The following ACACA variants were observed in gnomAD, a reference collection of about 807,000 sequenced individuals.
The protein encoded by ACACA is acetyl-CoA carboxylase alpha.
ACACA carries 103 observed loss-of-function variants against 296.1 expected under a neutral mutation model. The observed-to-expected ratio is 0.35, with a 90% CI of 0.30 to 0.41. The LOEUF is 0.41. ACACA is among the 10% of genes least tolerant of loss of function. The probability of loss-of-function intolerance (pLI) is 1.00; values close to 1 mark genes in which losing one functional copy is unlikely to be tolerated. For missense variants in ACACA, 1,554 were observed against 2,989.7 expected, an observed-to-expected ratio of 0.52 and a Z score of 11.20; for synonymous variants, 953 against 1,038.6, an observed-to-expected ratio of 0.92 and a Z score of 1.58.
At chr17:37,107,069 G>C (rs1016264834) in intron 52 of ACACA, among the ~76,000 whole-genome samples, 1 of 152,190 alleles carries the variant, frequency 6.6e-6, no homozygotes, top group Non-Finnish European at 1.5e-5. Flanking sequence ...CTACCTTCGT[G>C]ATAGAAAGCC....
At chr17:37,249,402 C>T (rs1454881261) in intron 16 of ACACA, among the ~76,000 whole-genome samples, 1 of 152,130 alleles carries the variant, frequency 6.6e-6, no homozygotes, top group East Asian at 1.9e-4. Context: ...TAGGGTAATT[C>T]TATTTTTAAT....
intron 2 of ACACA, among the ~76,000 whole-genome samples, chr17:37,337,748 C>A (rs542453303): frequency 1.3e-5 from 2 of 151,786 alleles, no homozygotes; most frequent in African/African-American, 4.8e-5. Flanking sequence ...CCACTGAGCC[C>A]AGCCTAACAT....
intron 29 of ACACA, among the ~76,000 whole-genome samples, chr17:37,212,051 C>T (rs919416443): frequency 1.4e-4 from 22 of 152,210 alleles, no homozygotes; most frequent in South Asian, 6.2e-4. Flanking sequence ...TTTCCTTTTA[C>T]GATATAAAGG....
At chr17:37,202,720 CACAT>C (rs1416102138) in intron 33 of ACACA, among the ~76,000 whole-genome samples, 4 of 71,156 alleles carry the variant, frequency 5.6e-5, no homozygotes, top group Non-Finnish European at 1.2e-4. Flanking sequence ...TATACACACA[CACAT>C]ATATTTTAAC....
At chr17:37,352,306 C>G (rs2048943569) in intron 1 of ACACA, among the ~76,000 whole-genome samples, 1 of 152,072 alleles carries the variant, frequency 6.6e-6, no homozygotes, top group Non-Finnish European at 1.5e-5. Flanking sequence ...ACATTATCCT[C>G]TAGAAACATT....
At chr17:37,381,266 A>G (rs2050245008) in intron 1 of ACACA, among the ~76,000 whole-genome samples, 1 of 151,588 alleles carries the variant, frequency 6.6e-6, no homozygotes, top group Non-Finnish European at 1.5e-5. Context: ...TCTCACTGCA[A>G]CCTCCTCCTC....
chr17:37,400,738 G>C (rs11871085), intron 1 of ACACA, among the ~76,000 whole-genome samples: 6,935 of 143,860 alleles, frequency 0.048, 504 homozygotes, highest in African/African-American at 0.16. Flanking sequence ...TTGTGTGTGT[G>C]TCTGTGTGTG....
At chr17:37,233,156 A>AC (rs1030255574) in intron 25 of ACACA, among the ~76,000 whole-genome samples, 157 of 151,928 alleles carry the variant, frequency 1.0e-3, no homozygotes, top group African/African-American at 3.3e-3. Flanking sequence ...CCTCTGCAGC[A>AC]CCCCCCGCGT....
chr17:37,406,213 G>A, intron 1 of ACACA, 49 bp downstream of exon 1: 1 of 1,595,600 alleles, frequency 6.3e-7, no homozygotes, highest in South Asian at 1.1e-5. Context: ...ACAAATGGTA[G>A]CTATTAGAAT....
At chr17:37,191,616 C>T (rs764880658) in intron 37 of ACACA, among the ~76,000 whole-genome samples, 5 of 152,138 alleles carry the variant, frequency 3.3e-5, no homozygotes, top group South Asian at 2.1e-4. Flanking sequence ...AGAAAGGGTA[C>T]GGCTATGGGA....
intron 1 of ACACA, among the ~76,000 whole-genome samples, chr17:37,347,627 G>C (rs763363203): frequency 1.1e-4 from 16 of 151,940 alleles, no homozygotes; most frequent in Non-Finnish European, 1.9e-4. Context: ...TTTAGGCCAG[G>C]TGCGGCGGCT....
intron 52 of ACACA, among the ~76,000 whole-genome samples, chr17:37,109,433 G>A (rs959453786): frequency 1.3e-5 from 2 of 152,132 alleles, no homozygotes; most frequent in African/African-American, 2.4e-5. Flanking sequence ...ACTGATGTTC[G>A]GAGAAGTTAA....
chr17:37,123,471 T>C (rs2074622884), intron 48 of ACACA, among the ~76,000 whole-genome samples: 1 of 152,186 alleles, frequency 6.6e-6, no homozygotes, highest in Admixed American at 6.5e-5. Context: ...GGGTGAGTCT[T>C]TACTCTGGAA....
intron 1 of ACACA, chr17:37,387,865 A>T (rs1463826780): frequency 6.6e-6 from 1 of 152,150 alleles, no homozygotes; most frequent in African/African-American, 2.4e-5. Context: ...ATTAGTAATA[A>T]TGAGATGCAC....
chr17:37,087,484 T>G, intron 55 of ACACA, 45 bp from the exon 56 acceptor site: 1 of 1,613,140 alleles, frequency 6.2e-7, no homozygotes, highest in Non-Finnish European at 8.5e-7. Context: ...GAAGCAGAAG[T>G]GTCTAGATGA....
intron 52 of ACACA, among the ~76,000 whole-genome samples, chr17:37,100,430 T>A (rs770584908): frequency 1.3e-5 from 2 of 151,984 alleles, no homozygotes; most frequent in Admixed American, 1.3e-4. Flanking sequence ...TCCGCAACAT[T>A]CCTGCCCAAA....
intron 24 of ACACA, among the ~76,000 whole-genome samples, chr17:37,238,068 A>G (rs2080200519): frequency 6.6e-6 from 1 of 152,142 alleles, no homozygotes. Flanking sequence ...ACGTATTTTG[A>G]TGAACAGAAG....
At chr17:37,216,318 G>A (rs188118529) in intron 29 of ACACA, among the ~76,000 whole-genome samples, 32 of 151,916 alleles carry the variant, frequency 2.1e-4, no homozygotes, top group African/African-American at 4.3e-4. Context: ...CAGACCAGAA[G>A]CTTGCCTGAG....
At chr17:37,260,722 C>T (rs1176197207) in intron 11 of ACACA, among the ~76,000 whole-genome samples, 1 of 151,034 alleles carries the variant, frequency 6.6e-6, no homozygotes, top group African/African-American at 2.4e-5. Flanking sequence ...TGAGAACACA[C>T]TAAGAACACC....
Sources: allele counts gnomAD v4.1 joint callset (sites outside exome capture counted in the v4.1 genomes callset), GRCh38; gene constraint gnomAD v4.1.1; transcripts MANE v1.5; gene names NCBI Gene and HGNC (gene_info 2026-07-23, HGNC 2026-07-21).